ERBB4: variants seen among roughly 807,000 people sequenced by gnomAD.
The protein encoded by ERBB4 is receptor tyrosine-protein kinase erbB-4.
A neutral mutation model predicts 158.0 loss-of-function variants in ERBB4; 42 were observed. The ratio of observed to expected loss-of-function variants is 0.27; its 90% CI spans 0.21 to 0.34. The LOEUF (loss-of-function observed/expected upper bound fraction) is 0.34. ERBB4 is among the 10% of genes least tolerant of loss of function. ERBB4 has a pLI of 1.00. For missense variants in ERBB4, 1,333 were observed against 1,624.1 expected, an observed-to-expected ratio of 0.82 and a Z score of 3.08; for synonymous variants, 583 against 558.7, an observed-to-expected ratio of 1.04 and a Z score of -0.61.
intron 2 of ERBB4, among the ~76,000 whole-genome samples, chr2:212,110,450 G>T (rs958115538): frequency 6.6e-6 from 1 of 152,152 alleles, no homozygotes; most frequent in African/African-American, 2.4e-5. Flanking sequence ...TCAGATTGCT[G>T]ACCCCATGGG....
Position 211,580,836 on chromosome 2 carries a change from AT to A in ERBB4, c.2302-18749del, listed in dbSNP as rs1342046743. Among the ~76,000 whole-genome samples, 6 of 10,976 alleles carry A rather than the reference AT, an allele frequency of 5.5e-4. 1 individual carries two copies. The highest frequency in any genetic ancestry group is 6.1e-3 in the Admixed American group (2 of 328). 7.2% of individuals were successfully genotyped at this position (10,976 alleles called of 152,430 possible). A position where few individuals can be genotyped will look rare whatever the true frequency, so the allele number is the denominator to read the frequency against. ...TAATATATATATATTATATATATAG[AT>A]TATATATTATATATATAGTATGCAT... On this transcript the variant is annotated intron_variant, in intron 19 of 27. Transcript: ENST00000342788.
At chr2:211,895,411 C>T (rs2079071938) in intron 3 of ERBB4, among the ~76,000 whole-genome samples, 1 of 152,132 alleles carries the variant, frequency 6.6e-6, no homozygotes, top group African/African-American at 2.4e-5. Flanking sequence ...GTGCATACCA[C>T]TGTGTCTGGC....
intron 1 of ERBB4, among the ~76,000 whole-genome samples, chr2:212,416,398 G>A (rs2091652965): frequency 6.6e-6 from 1 of 151,992 alleles, no homozygotes; most frequent in African/African-American, 2.4e-5. Context: ...CACACCCACT[G>A]GAGCCTTGTG....
intron 1 of ERBB4, among the ~76,000 whole-genome samples, chr2:212,341,519 A>T (rs2088711305): frequency 6.6e-6 from 1 of 152,130 alleles, no homozygotes; most frequent in Non-Finnish European, 1.5e-5. Flanking sequence ...TAAGTATTCA[A>T]TGTGAACTTA....
intron 1 of ERBB4, among the ~76,000 whole-genome samples, chr2:212,382,432 T>C (rs191843133): frequency 5.2e-4 from 79 of 151,076 alleles, no homozygotes; most frequent in African/African-American, 1.8e-3. Context: ...AACAACTTTA[T>C]AATATGACAA....
chr2:211,922,643 G>A (rs2079888085), intron 3 of ERBB4, among the ~76,000 whole-genome samples: 1 of 151,942 alleles, frequency 6.6e-6, no homozygotes, highest in Non-Finnish European at 1.5e-5. Context: ...TGTACATTGT[G>A]TTAATTTCTA....
intron 2 of ERBB4, among the ~76,000 whole-genome samples, chr2:212,052,139 A>G (rs1482259199): frequency 6.6e-6 from 1 of 152,212 alleles, no homozygotes; most frequent in African/African-American, 2.4e-5. Flanking sequence ...GCTAGAATAA[A>G]GCAGGCAGAA....
chr2:211,883,427 C>G (rs1575312067), intron 3 of ERBB4, among the ~76,000 whole-genome samples: 1 of 151,578 alleles, frequency 6.6e-6, no homozygotes, highest in Non-Finnish European at 1.5e-5. Context: ...GCACATGTAC[C>G]CTAAAACTTA....
chr2:212,298,233 C>A (rs569364043), intron 1 of ERBB4, among the ~76,000 whole-genome samples: 76 of 151,626 alleles, frequency 5.0e-4, no homozygotes, highest in African/African-American at 1.8e-3. Context: ...ATATTCTATA[C>A]CATCTAGTAA....
intron 1 of ERBB4, among the ~76,000 whole-genome samples, chr2:212,153,895 G>A (rs2080949887): frequency 6.6e-6 from 1 of 151,790 alleles, no homozygotes; most frequent in South Asian, 2.1e-4. Flanking sequence ...TTTTAAAAAA[G>A]GCAGATTATG....
intron 1 of ERBB4, among the ~76,000 whole-genome samples, chr2:212,484,553 C>A (rs569813529): frequency 6.6e-6 from 1 of 152,274 alleles, no homozygotes; most frequent in South Asian, 2.1e-4. Context: ...CAGAGAAAAT[C>A]ATTTTTAATA....
intron 3 of ERBB4, among the ~76,000 whole-genome samples, chr2:211,844,198 A>T (rs2077540635): frequency 6.6e-6 from 1 of 152,142 alleles, no homozygotes; most frequent in African/African-American, 2.4e-5. Flanking sequence ...ATTAATCATT[A>T]ATCACAATAG....
At chr2:212,220,728 G>T (rs897561867) in intron 1 of ERBB4, among the ~76,000 whole-genome samples, 3 of 151,240 alleles carry the variant, frequency 2.0e-5, no homozygotes, top group African/African-American at 7.3e-5. Flanking sequence ...TTATCCCTCA[G>T]TGTTCAGTCA....
chr2:212,392,957 A>G (rs2106441975), intron 1 of ERBB4, among the ~76,000 whole-genome samples: 1 of 151,950 alleles, frequency 6.6e-6, no homozygotes, highest in Non-Finnish European at 1.5e-5. Context: ...CCTACCTTTT[A>G]TTTTCATGCT....
rs568223137 is a variant in ERBB4 at position 211,426,248 on chromosome 2, A to G, written c.2720-1947T>C. 2.6e-5 allele frequency among the ~76,000 whole-genome samples: 4 copies of G among 152,316 alleles called. No individual in the cohort carries two copies. In the East Asian group the frequency reaches 5.8e-4, roughly 22 times the overall value. On this transcript the variant is annotated intron_variant, in intron 22 of 27. Transcript: ENST00000342788. ...AAGGATGGTTTCAAGCAAAAGAACAATGTCAGGAAAGCTAAAACAAAACAT... is the reference window on the plus strand; with the variant it reads ...AAGGATGGTTTCAAGCAAAAGAACAGTGTCAGGAAAGCTAAAACAAAACAT...
rs2062580267 is a variant in ERBB4, at chr2:211,381,945, A to G, written c.*1670T>C. On this transcript the variant is annotated 3_prime_UTR_variant, in exon 28 of 28. Coordinates refer to ENST00000342788, the MANE Select transcript of ERBB4 (RefSeq NM_005235.3). ...CTTTACTTGGAGACTCATCTCTGTC[A>G]TTTGTTCTCATCCTTCATCTCATCA... 1 of 229,624 alleles carries G rather than the reference A, an allele frequency of 4.4e-6. No individual in the cohort carries two copies. The highest frequency in any genetic ancestry group is 8.6e-6 in the Non-Finnish European group (1 of 115,912). The allele number at this position is 229,624 out of a possible 1,614,324, so 14.2% of individuals were successfully genotyped here.
In ERBB4 at chr2:212,258,889, CA is replaced by C. The variant is rs775112058; in HGVS notation, c.83-133987del. Among the ~76,000 whole-genome samples the C allele has an allele frequency of 3.3e-5, 5 of 151,956 alleles. No individual in the cohort carries two copies. In the South Asian group the frequency reaches 1.0e-3, roughly 32 times the overall value. ...TTACACAACTTTCCTGTGTCTCAAA[CA>C]ATGATCATCTTAGAGGAAAGTAATA... On this transcript the variant is annotated intron_variant, in intron 1 of 27. Coordinates refer to ENST00000342788, the MANE Select transcript of ERBB4 (RefSeq NM_005235.3).
intron 1 of ERBB4, among the ~76,000 whole-genome samples, chr2:212,455,335 T>C (rs142029365): frequency 7.3e-5 from 9 of 122,808 alleles, no homozygotes; most frequent in African/African-American, 2.0e-4. Flanking sequence ...TGATCTCATG[T>C]ATGAATATGC....
chr2:212,301,743 G>A (rs1000541192), intron 1 of ERBB4, among the ~76,000 whole-genome samples: 7 of 150,128 alleles, frequency 4.7e-5, no homozygotes, highest in Non-Finnish European at 8.9e-5. Context: ...TCCCTCAGAG[G>A]TCCTGAAATC....
Sources: allele counts gnomAD v4.1 joint callset (sites outside exome capture counted in the v4.1 genomes callset), GRCh38; gene constraint gnomAD v4.1.1; transcripts MANE v1.5; gene names NCBI Gene and HGNC (gene_info 2026-07-23, HGNC 2026-07-21).